ABCC1: variants seen among roughly 807,000 people sequenced by gnomAD.
The protein encoded by ABCC1 is multidrug resistance-associated protein 1.
In ABCC1, 83 loss-of-function variants were observed where a neutral mutation model predicts 172.9. The ratio of observed to expected loss-of-function variants is 0.48; its 90% CI spans 0.40 to 0.58. ABCC1 has a LOEUF of 0.58. ABCC1 is among the 20% of genes least tolerant of loss of function. The pLI is 0.00. For synonymous variants in ABCC1, 937 were observed against 825.2 expected, an observed-to-expected ratio of 1.14 and a Z score of -2.32; for missense variants, 1,817 against 2,002.7, an observed-to-expected ratio of 0.91 and a Z score of 1.77.
chr16:16,075,060 TCA>T (rs1491370647), intron 14 of ABCC1, among the ~76,000 whole-genome samples: 1 of 151,430 alleles, frequency 6.6e-6, no homozygotes, highest in Non-Finnish European at 1.5e-5. Flanking sequence ...TTCTCATGTC[TCA>T]GACTCCCGAG....
At chr16:16,123,809 C>T (rs2045277126) in intron 24 of ABCC1, among the ~76,000 whole-genome samples, 2 of 152,010 alleles carry the variant, frequency 1.3e-5, no homozygotes, top group African/African-American at 4.8e-5. Context: ...CCCAGCAGTT[C>T]GAGACCAGCC....
chr16:16,021,332 T>G (rs1227485966), intron 5 of ABCC1, among the ~76,000 whole-genome samples: 1 of 151,966 alleles, frequency 6.6e-6, no homozygotes, highest in African/African-American at 2.4e-5. Context: ...TTTTTTAATG[T>G]TGCATTTTGG....
intron 1 of ABCC1, among the ~76,000 whole-genome samples, chr16:15,983,773 C>T (rs1445552720): frequency 9.5e-6 from 1 of 105,786 alleles, no homozygotes; most frequent in Non-Finnish European, 2.0e-5. Context: ...CCAGGCTCCT[C>T]TCTAACTTCT....
chr16:16,084,067 C>T (rs796157209), intron 17 of ABCC1, among the ~76,000 whole-genome samples: 11 of 152,254 alleles, frequency 7.2e-5, no homozygotes, highest in African/African-American at 2.4e-4. Context: ...CTAACACTTA[C>T]TGAGCATTTT....
At chr16:16,062,898 T>C (rs1180771863) in intron 12 of ABCC1, among the ~76,000 whole-genome samples, 1 of 152,172 alleles carries the variant, frequency 6.6e-6, no homozygotes, top group African/African-American at 2.4e-5. Context: ...TTTCCTAAAA[T>C]AGCATCGCCA....
At chr16:15,994,643 C>T (rs910820988) in intron 1 of ABCC1, among the ~76,000 whole-genome samples, 1 of 152,124 alleles carries the variant, frequency 6.6e-6, no homozygotes, top group African/African-American at 2.4e-5. Context: ...TTTTAGAAAT[C>T]ATGCAGAGGA....
At chr16:16,006,227 T>G (rs1386884639) in intron 1 of ABCC1, among the ~76,000 whole-genome samples, 2 of 152,036 alleles carry the variant, frequency 1.3e-5, no homozygotes, top group Non-Finnish European at 2.9e-5. Flanking sequence ...CCCAAAGTTA[T>G]TTAGTCAGTT....
intron 1 of ABCC1, among the ~76,000 whole-genome samples, chr16:15,990,816 A>ATTTTTT (rs57111358): frequency 1.7e-5 from 2 of 118,210 alleles, no homozygotes; most frequent in Non-Finnish European, 3.5e-5. Context: ...CGCCCGGCTA[A>ATTTTTT]TTTTTTTTTT....
At chr16:15,963,194 T>C (rs1017210621) in intron 1 of ABCC1, among the ~76,000 whole-genome samples, 3 of 152,250 alleles carry the variant, frequency 2.0e-5, no homozygotes, top group African/African-American at 4.8e-5. Context: ...TGACTCCGTG[T>C]CTCACATCCA....
At chr16:16,090,369 T>G (rs1162269361) in intron 18 of ABCC1, 36 bp from the exon 19 acceptor site, 1 of 1,539,004 alleles carries the variant, frequency 6.5e-7, no homozygotes, top group Non-Finnish European at 8.8e-7. Context: ...CTCACACATG[T>G]GCACTCACGT....
intron 4 of ABCC1, among the ~76,000 whole-genome samples, chr16:16,016,083 T>C (rs182360595): frequency 3.1e-4 from 46 of 149,148 alleles, no homozygotes; most frequent in African/African-American, 9.6e-4. Context: ...TGGGAGCCCC[T>C]GGGGAGCCTG....
At chr16:16,068,485 CT>C (rs1177386727) in intron 13 of ABCC1, among the ~76,000 whole-genome samples, 183 bp downstream of exon 13, 1 of 152,218 alleles carries the variant, frequency 6.6e-6, no homozygotes, top group Non-Finnish European at 1.5e-5. Flanking sequence ...CATTTGACTT[CT>C]TGACAGAGAA....
intron 5 of ABCC1, among the ~76,000 whole-genome samples, chr16:16,023,675 G>T (rs987041997): frequency 6.6e-6 from 1 of 152,200 alleles, no homozygotes; most frequent in African/African-American, 2.4e-5. Context: ...CTGCAGGATG[G>T]ACAGTGGGGG....
intron 1 of ABCC1, among the ~76,000 whole-genome samples, chr16:15,975,549 TG>T (rs368732581): frequency 5.7e-5 from 5 of 88,322 alleles, no homozygotes; most frequent in East Asian, 3.5e-4. Flanking sequence ...TGGTTTTTTT[TG>T]TTTTTTTTGT....
chr16:15,986,049 C>T (rs2046736154), intron 1 of ABCC1, among the ~76,000 whole-genome samples: 1 of 151,984 alleles, frequency 6.6e-6, no homozygotes, highest in South Asian at 2.1e-4. Flanking sequence ...ATTCTCCTGC[C>T]TCAGCTTCCT....
chr16:16,016,431 G>A (rs753799650), intron 4 of ABCC1, 65 bp from the exon 5 acceptor site: 94 of 1,598,362 alleles, frequency 5.9e-5, no homozygotes, highest in Non-Finnish European at 6.4e-5. Flanking sequence ...TAGGATTACA[G>A]GCGTGAGCCA....
intron 1 of ABCC1, 121 bp downstream of exon 1, chr16:15,949,920 C>A: frequency 1.2e-6 from 1 of 866,456 alleles, no homozygotes; most frequent in Non-Finnish European, 1.5e-6. Flanking sequence ...CCTCGGGGGC[C>A]CGGGACCCTC....
At chr16:16,119,589 G>A (rs1219558580) in intron 23 of ABCC1, among the ~76,000 whole-genome samples, 1 of 152,138 alleles carries the variant, frequency 6.6e-6, no homozygotes, top group East Asian at 1.9e-4. Context: ...TACTTAGGAG[G>A]CTAAGGCAGG....
At position 16,048,154 on chromosome 16, in the gene ABCC1, A is replaced by G. The variant is rs2049292619; in HGVS notation, c.1231A>G (p.Thr411Ala). ...GAVYRKALVI[T>A]NSARKSSTVG... Reference sequence around the variant, plus strand: ...CTTTGTCCCACAGGCCCTGGTGATCACCAATTCAGCCAGAAAATCCTCCAC... The same window carrying G: ...CTTTGTCCCACAGGCCCTGGTGATCGCCAATTCAGCCAGAAAATCCTCCAC... The change falls in exon 10 of 31, where the codon ACC becomes GCC. Residue 411 changes from threonine (T) to alanine (A), a missense_variant. By Grantham distance (58) the Thr-to-Ala change is moderately conservative. Transcript: ENST00000399410. The G allele has an allele frequency of 1.2e-6, 2 of 1,613,998 alleles. No individual in the cohort carries two copies. Among genetic ancestry groups the G allele is most frequent in the Non-Finnish European group, 8.5e-7 (1 of 1,180,026 alleles).
Sources: gnomAD v4.1 joint callset for allele counts (sites outside exome capture counted in the v4.1 genomes callset) on GRCh38, gnomAD v4.1.1 for gene constraint, MANE v1.5 for transcripts, NCBI Gene and HGNC (gene_info 2026-07-23, HGNC 2026-07-21) for gene names.